Variants in GTF2H5 observed in about 807,000 individuals in gnomAD.
The protein encoded by GTF2H5 is TFB5 ortholog.
In GTF2H5, 5 loss-of-function variants were observed where a neutral mutation model predicts 7.1. The ratio of observed to expected loss-of-function variants is 0.71; its 90% CI spans 0.37 to 1.49. GTF2H5 has a LOEUF of 1.49. Ranked by LOEUF, GTF2H5 falls within the 40% of genes most tolerant of loss-of-function variation. The probability of loss-of-function intolerance (pLI) is 0.03; values close to 1 mark genes in which losing one functional copy is unlikely to be tolerated. For synonymous variants in GTF2H5, 30 were observed against 31.7 expected (o/e 0.95, Z 0.18); for missense variants, 80 against 83.0 (o/e 0.96, Z 0.14).
At chr6:158,172,519 C>T (rs887405005) in intron 2 of GTF2H5, among the ~76,000 whole-genome samples, 1 of 151,942 alleles carries the variant, frequency 6.6e-6, no homozygotes, top group Non-Finnish European at 1.5e-5. Context: ...AGGCTGGTCT[C>T]GATCTCTTGA....
At chr6:158,169,416 T>TAA (rs1562467917) in intron 1 of GTF2H5, among the ~76,000 whole-genome samples, 28 of 90,552 alleles carry the variant, frequency 3.1e-4, no homozygotes, top group East Asian at 1.3e-3. Context: ...ATATTATATA[T>TAA]TATATATAAT....
intron 2 of GTF2H5, among the ~76,000 whole-genome samples, chr6:158,187,667 A>C (rs1776952491): frequency 6.6e-6 from 1 of 152,106 alleles, no homozygotes; most frequent in Non-Finnish European, 1.5e-5. Flanking sequence ...TCCCAGGTTC[A>C]TGCCATTCTC....
intron 2 of GTF2H5, among the ~76,000 whole-genome samples, chr6:158,185,536 G>A (rs1352862291): frequency 8.1e-6 from 1 of 123,816 alleles, no homozygotes; most frequent in Non-Finnish European, 1.6e-5. Flanking sequence ...GTGAGGCCCT[G>A]TCTCAAAAAA....
rs1470423068 is a variant in GTF2H5, at chr6:158,192,316, T to C, written c.*159T>C. On this transcript the variant is annotated 3_prime_UTR_variant, in exon 3 of 3. Transcript: ENST00000607778. ...ATCATTTGTTCAGAAAAAAAGCCCC[T>C]GAACTGATTTTGTTACCATAGAATT... is the stretch of plus-strand genomic sequence containing the variant. The C allele has an allele frequency of 1.3e-5, 8 of 617,770 alleles. No homozygotes were observed. Among genetic ancestry groups the C allele is most frequent in the Non-Finnish European group, 2.3e-5 (8 of 350,832 alleles). The allele number at this position is 617,770 out of a possible 1,614,324, so 38.3% of individuals were successfully genotyped here.
At chr6:158,170,069 A>G (rs948758866) in intron 1 of GTF2H5, among the ~76,000 whole-genome samples, 31 of 152,008 alleles carry the variant, frequency 2.0e-4, no homozygotes, top group South Asian at 8.3e-4. Flanking sequence ...TCACTGTATA[A>G]TTTTTGAAGC....
At chr6:158,191,943 A>C (rs1777035339) in intron 2 of GTF2H5, 34 bp from the exon 3 acceptor site, 1 of 1,564,074 alleles carries the variant, frequency 6.4e-7, no homozygotes, top group Non-Finnish European at 8.8e-7. Context: ...ATTTGACAAC[A>C]AGCTGTCTTA....
chr6:158,179,073 GT>G (rs1229485264), intron 2 of GTF2H5, among the ~76,000 whole-genome samples: 2 of 152,156 alleles, frequency 1.3e-5, no homozygotes, highest in Non-Finnish European at 2.9e-5. Context: ...TGGCTAGCCA[GT>G]TTTCCCGACA....
rs765266404 is a variant in GTF2H5 at position 158,191,390 on chromosome 6, A to G, written c.36-587A>G. The stretch of plus-strand genomic sequence containing the variant: ...TGATTCTAGGCCCTACTAACTACAA[A>G]GCTTTCAATATTCTTTTATTTTTTC... On this transcript the variant is annotated intron_variant, in intron 2 of 2. Transcript: ENST00000607778. Among the ~76,000 whole-genome samples, 4 of 152,184 alleles carry G rather than the reference A, an allele frequency of 2.6e-5. No individual in the cohort carries two copies. The South Asian group carries it at 8.3e-4, about 32-fold the overall frequency.
At chr6:158,185,147 CTT>C (rs1165100637) in intron 2 of GTF2H5, among the ~76,000 whole-genome samples, 1 of 132,688 alleles carries the variant, frequency 7.5e-6, no homozygotes. Flanking sequence ...CTTTGAGTGT[CTT>C]TTTTTTTTTT....
intron 2 of GTF2H5, among the ~76,000 whole-genome samples, chr6:158,180,396 G>A (rs766540116): frequency 6.6e-6 from 1 of 152,184 alleles, no homozygotes; most frequent in Non-Finnish European, 1.5e-5. Flanking sequence ...AAATGAGTTA[G>A]GGAGGATTCC....
At chr6:158,177,646 T>C (rs1196972407) in intron 2 of GTF2H5, among the ~76,000 whole-genome samples, 3 of 152,198 alleles carry the variant, frequency 2.0e-5, no homozygotes, top group Non-Finnish European at 4.4e-5. Flanking sequence ...TAGGTATACA[T>C]GTGCCATGGT....
chr6:158,183,228 T>C (rs977068417), intron 2 of GTF2H5, among the ~76,000 whole-genome samples: 1 of 152,190 alleles, frequency 6.6e-6, no homozygotes, highest in South Asian at 2.1e-4. Context: ...CAGTAAATAT[T>C]GCTGCCTGAT....
intron 1 of GTF2H5, among the ~76,000 whole-genome samples, chr6:158,168,992 G>A (rs1785692574): frequency 6.6e-6 from 1 of 152,006 alleles, no homozygotes; most frequent in Non-Finnish European, 1.5e-5. Flanking sequence ...CCAGCACTTT[G>A]GGAGGCCGAG....
Position 158,169,662 on chromosome 6 carries a change from A to G in GTF2H5, c.-34-808A>G, listed in dbSNP as rs866759015. The stretch of plus-strand genomic sequence containing the variant: ...ACATATATTGTATATTACATATAAT[A>G]TATTGTATATTATATAATATATAAT... On this transcript the variant is annotated intron_variant, in intron 1 of 2. Transcript: ENST00000607778. Among the ~76,000 whole-genome samples the G allele has an allele frequency of 3.6e-4, 32 of 88,086 alleles. 5 individuals carry two copies. Among genetic ancestry groups the G allele is most frequent in the East Asian group, 3.0e-3 (8 of 2,666 alleles). 57.8% of individuals were successfully genotyped at this position (88,086 alleles called of 152,430 possible).
intron 2 of GTF2H5, among the ~76,000 whole-genome samples, chr6:158,177,333 C>G (rs1261802768): frequency 1.3e-5 from 2 of 152,134 alleles, no homozygotes; most frequent in African/African-American, 4.8e-5. Flanking sequence ...CTCTTTGGCT[C>G]CCTATGTAAT....
At position 158,194,480 on chromosome 6, in the gene GTF2H5, G is replaced by T. The variant is rs1583641128; in HGVS notation, c.*2323G>T. ...TACAGAGAAACAAACAGTTCCAGGT[G>T]CAGGGGCTCTAAATCTATCATAAGA... On this transcript the variant is annotated 3_prime_UTR_variant, in exon 3 of 3. Coordinates refer to ENST00000607778, the MANE Select transcript of GTF2H5 (RefSeq NM_207118.3). 6.6e-6 allele frequency: 1 copy of T among 152,216 alleles called. No individual in the cohort carries two copies. Among genetic ancestry groups the T allele is most frequent in the East Asian group, 1.9e-4 (1 of 5,202 alleles). The allele number at this position is 152,216 out of a possible 1,614,324, so 9.4% of individuals were successfully genotyped here. A position where few individuals can be genotyped will look rare whatever the true frequency, so the allele number is the denominator to read the frequency against.
In GTF2H5 at chr6:158,194,955, T is replaced by TA. The variant is rs1430943981; in HGVS notation, c.*2799dup. On this transcript the variant is annotated 3_prime_UTR_variant, in exon 3 of 3. Transcript: ENST00000607778. ...TTTCTCTGGACATTATTAAGAAAGA[T>TA]AGAGTGATGTGAATGATAGGAAGCC... 3 of 151,944 alleles carry TA rather than the reference T, an allele frequency of 2.0e-5. No homozygotes were observed. The highest frequency in any genetic ancestry group is 1.9e-4 in the East Asian group (1 of 5,206). The allele number at this position is 151,944 out of a possible 1,614,324, so 9.4% of individuals were successfully genotyped here. A position where few individuals can be genotyped will look rare whatever the true frequency, so the allele number is the denominator to read the frequency against.
chr6:158,169,329 T>C (rs1417536369), intron 1 of GTF2H5, among the ~76,000 whole-genome samples: 1 of 118,576 alleles, frequency 8.4e-6, no homozygotes. Context: ...ATTATGTATA[T>C]TATATATAAT....
rs939253630 is a variant in GTF2H5, at chr6:158,194,781, T to A, written c.*2624T>A. 6.6e-6 allele frequency: 1 copy of A among 152,036 alleles called. No homozygotes were observed. The highest frequency in any genetic ancestry group is 1.5e-5 in the Non-Finnish European group (1 of 67,996). The allele number at this position is 152,036 out of a possible 1,614,324, so 9.4% of individuals were successfully genotyped here. ...TTCACATGGAAACAAGGCTAGGTGA[T>A]TAAGGGAGAAAGGGACAGTCTGAAA... On this transcript the variant is annotated 3_prime_UTR_variant, in exon 3 of 3. Transcript: ENST00000607778.
Sources: allele counts gnomAD v4.1 joint callset (sites outside exome capture counted in the v4.1 genomes callset), GRCh38; gene constraint gnomAD v4.1.1; transcripts MANE v1.5; gene names NCBI Gene and HGNC (gene_info 2026-07-23, HGNC 2026-07-21).